Variants in LIMK2 observed in about 807,000 individuals in gnomAD.
LIMK2 encodes LIM domain kinase 2.
Under a neutral mutation model 75.7 loss-of-function variants are expected in LIMK2, and 35 were observed. The ratio of observed to expected loss-of-function variants is 0.46; its 90% CI spans 0.35 to 0.61. The LOEUF is 0.61. Ranked by LOEUF, LIMK2 falls within the 20% of genes least tolerant of loss-of-function variation. The probability of loss-of-function intolerance (pLI) is 0.00; values close to 1 mark genes in which losing one functional copy is unlikely to be tolerated. For synonymous variants in LIMK2, 301 were observed against 319.2 expected (o/e 0.94, Z 0.61); for missense variants, 623 against 831.0 (o/e 0.75, Z 3.08).
Position 31,262,255 on chromosome 22 carries a change from A to G in LIMK2, c.657+16A>G. On this transcript the variant is annotated intron_variant, in intron 6 of 15. Transcript: ENST00000331728. This position sits in a 1 kb window ranked among gnomAD's most constrained non-coding sequence, Gnocchi z 5.0. The stretch of plus-strand genomic sequence containing the variant: ...AGTGGAGGAGGTAGAGTGTGTGTCT[A>G]ATCTGTCTTGTGAGGGTGGGACATG... 6.3e-7 allele frequency: 1 copy of G among 1,576,996 alleles called. No homozygotes were observed. The highest frequency in any genetic ancestry group is 8.7e-7 in the Non-Finnish European group (1 of 1,146,172).
intron 8 of LIMK2, among the ~76,000 whole-genome samples, chr22:31,266,654 G>A (rs1417293541): frequency 6.6e-6 from 1 of 152,132 alleles, no homozygotes; most frequent in African/African-American, 2.4e-5. Context: ...CCTGCCCCCA[G>A]ACTTCTGTTC....
intron 1 of LIMK2, among the ~76,000 whole-genome samples, chr22:31,222,053 G>A (rs762412887): frequency 9.9e-5 from 15 of 152,000 alleles, no homozygotes; most frequent in Non-Finnish European, 1.9e-4. Flanking sequence ...TGAGGGCAGC[G>A]ATGTGTAGAC....
chr22:31,278,569 C>T lies in LIMK2; in HGVS notation c.*128C>T. On this transcript the variant is annotated 3_prime_UTR_variant, in exon 16 of 16. Transcript: ENST00000331728. ...CGGAATGTTTAGAAGCAGAACAAGC[C>T]ATTCCTATTACCTCCCCAGGAGGCA... 9.7e-7 allele frequency: 1 copy of T among 1,027,090 alleles called. No individual in the cohort carries two copies. The highest frequency in any genetic ancestry group is 3.0e-5 in the Admixed American group (1 of 33,380). The allele number at this position is 1,027,090 out of a possible 1,614,324, so 63.6% of individuals were successfully genotyped here. A position where few individuals can be genotyped will look rare whatever the true frequency, so the allele number is the denominator to read the frequency against.
chr22:31,258,147 A>G lies in LIMK2; in HGVS notation c.117-144A>G, dbSNP rs916178332. ...CTGAACCAGCTTCCCTTGGGGAGATAGCACAAGGCTGTAACTTTGCCCCAT... is the reference window on the plus strand; with the variant it reads ...CTGAACCAGCTTCCCTTGGGGAGATGGCACAAGGCTGTAACTTTGCCCCAT... On this transcript the variant is annotated intron_variant, in intron 2 of 15. Transcript: ENST00000331728. 5.2e-6 allele frequency: 4 copies of G among 770,720 alleles called. No individual in the cohort carries two copies. The Admixed American group carries it at 8.5e-5, about 16-fold the overall frequency. 47.7% of individuals were successfully genotyped at this position (770,720 alleles called of 1,614,324 possible). A position where few individuals can be genotyped will look rare whatever the true frequency, so the allele number is the denominator to read the frequency against.
intron 2 of LIMK2, among the ~76,000 whole-genome samples, chr22:31,239,951 C>A (rs2048610667): frequency 2.0e-5 from 3 of 152,196 alleles, no homozygotes; most frequent in African/African-American, 7.2e-5. Context: ...CTTATGTAGA[C>A]TAAGACCTCA....
intron 2 of LIMK2, among the ~76,000 whole-genome samples, chr22:31,246,175 G>GCACACACACACACA (rs1300039438): frequency 3.8e-4 from 30 of 78,136 alleles, no homozygotes; most frequent in Non-Finnish European, 6.2e-4. Context: ...TCCGACACAC[G>GCACACACACACACA]CACGCACGCA....
Position 31,244,258 on chromosome 22 carries a change from CTT to C in LIMK2, c.117-14031_117-14030del, listed in dbSNP as rs1212356606. Among the ~76,000 whole-genome samples, 28 of 152,350 alleles carry C rather than the reference CTT, an allele frequency of 1.8e-4. No homozygotes were observed. In the East Asian group the frequency reaches 5.0e-3, roughly 27 times the overall value. On this transcript the variant is annotated intron_variant, in intron 2 of 15. Transcript: ENST00000331728. The stretch of plus-strand genomic sequence containing the variant: ...CTCATAGGCTCCCTGGCCTCAGTCT[CTT>C]TGTGGCTTGCATATTCTTCCATTAG...
intron 8 of LIMK2, among the ~76,000 whole-genome samples, chr22:31,266,747 C>G (rs2048899927): frequency 6.6e-6 from 1 of 152,242 alleles, no homozygotes; most frequent in Non-Finnish European, 1.5e-5. Context: ...TTCCCCACTT[C>G]CCTTTTCTGG....
Position 31,267,006 on chromosome 22 carries a change from A to G in LIMK2, c.1064A>G (p.Lys355Arg). 1 of 1,610,140 alleles carries G rather than the reference A, an allele frequency of 6.2e-7. No homozygotes were observed. Among genetic ancestry groups the G allele is most frequent in the Non-Finnish European group, 8.5e-7 (1 of 1,177,828 alleles). The change falls in exon 9 of 16, where the codon AAA becomes AGA. Residue 355 changes from lysine to arginine, a missense_variant. Lys to Arg is a conservative substitution (Grantham distance 26, BLOSUM62 2). This residue lies in a region of LIMK2 where 514 missense variants were observed against 661.3 expected (regional missense o/e 0.78). Transcript: ENST00000331728. The part of the protein sequence containing the change: ...AIKVTHKATG[K>R]VMVMKELIRC... ...TAGGTGACACACAAAGCCACGGGCA[A>G]AGTGATGGTCATGAAAGAGTTAATT...
chr22:31,224,577 A>G (rs2283878), intron 1 of LIMK2, among the ~76,000 whole-genome samples: 13,079 of 152,278 alleles, frequency 0.086, 858 homozygotes, highest in East Asian at 0.4. Context: ...TCACAGGATT[A>G]TTTTGAGAAT....
At chr22:31,269,276 ATTTTTTTTTC>A (rs1358976799) in intron 11 of LIMK2, among the ~76,000 whole-genome samples, 2 of 103,660 alleles carry the variant, frequency 1.9e-5, no homozygotes, top group Non-Finnish European at 2.0e-5. Flanking sequence ...AATTTTTTGA[ATTTTTTTTTC>A]TTTTTTTTTT....
chr22:31,239,380 G>C (rs1487719272), intron 2 of LIMK2, among the ~76,000 whole-genome samples: 1 of 152,224 alleles, frequency 6.6e-6, no homozygotes, highest in Non-Finnish European at 1.5e-5. Context: ...CTGGCCTCCT[G>C]TCTAATTGCT....
At chr22:31,270,051 G>A (rs1185929332) in intron 11 of LIMK2, among the ~76,000 whole-genome samples, 1 of 152,160 alleles carries the variant, frequency 6.6e-6, no homozygotes. Context: ...TGATTGTTGA[G>A]CAACTGGTTT....
rs753998840 is a variant in LIMK2, at chr22:31,259,970, C to G, written c.444C>G (p.Tyr148Ter). 4 of 1,611,672 alleles carry G rather than the reference C, an allele frequency of 2.5e-6. No homozygotes were observed. Among genetic ancestry groups the G allele is most frequent in the South Asian group, 2.2e-5 (2 of 90,864 alleles). The part of the protein sequence containing the change: ...STESVQEQLP[Y>*]SVTLISMPAT... ...AGTCTGTTCAGGAGCAGCTGCCCTACTCTGTCACGCTCATCTCCATGCCGG... is the reference window on the plus strand; with the variant it reads ...AGTCTGTTCAGGAGCAGCTGCCCTAGTCTGTCACGCTCATCTCCATGCCGG... Residue 148 changes from tyrosine to a stop codon, truncating the protein, a stop_gained, in exon 5 of 16, where the codon TAC becomes TAG. Transcript: ENST00000331728. LOFTEE classifies it high-confidence loss of function.
rs147100770 is a variant in LIMK2 at position 31,214,172 on chromosome 22, C to G, written c.16+1748C>G. 5.9e-3 allele frequency among the ~76,000 whole-genome samples: 904 copies of G among 152,252 alleles called. 5 individuals are homozygous for G. The highest frequency in any genetic ancestry group is 8.9e-3 in the Non-Finnish European group (608 of 68,012). On this transcript the variant is annotated intron_variant, in intron 1 of 15. Coordinates refer to ENST00000331728, the MANE Select transcript of LIMK2 (RefSeq NM_005569.4). ...TAATATAGGTTGCCTGTCTTGAACC[C>G]TGTTTCTTAGAAAATTGTGAAAGGT... is the stretch of plus-strand genomic sequence containing the variant.
chr22:31,257,040 A>ATTTTTTTTTTTTTTTTTTTTTTT (rs529919320), intron 2 of LIMK2, among the ~76,000 whole-genome samples: 4 of 75,076 alleles, frequency 5.3e-5, no homozygotes, highest in Non-Finnish European at 1.2e-4. Context: ...GGAGCTATAG[A>ATTTTTTTTTTTTTTTTTTTTTTT]TTTTTTTTTT....
chr22:31,229,912 A>G (rs1416973282), intron 2 of LIMK2, among the ~76,000 whole-genome samples: 9 of 152,218 alleles, frequency 5.9e-5, no homozygotes, highest in Non-Finnish European at 1.5e-5. Flanking sequence ...TAGCTCTGTC[A>G]GTAATTGTGC....
At chr22:31,247,568 G>T (rs1034026868) in intron 2 of LIMK2, among the ~76,000 whole-genome samples, 1 of 152,156 alleles carries the variant, frequency 6.6e-6, no homozygotes, top group South Asian at 2.1e-4. Flanking sequence ...CTTTGGAAAA[G>T]ATTTTTCTCC....
intron 2 of LIMK2, among the ~76,000 whole-genome samples, chr22:31,226,395 GT>G (rs2048478461): frequency 7.8e-6 from 1 of 128,124 alleles, no homozygotes; most frequent in African/African-American, 3.1e-5. Context: ...GGAGACGGGG[GT>G]TTCAACATGT....
Sources: allele counts gnomAD v4.1 joint callset (sites outside exome capture counted in the v4.1 genomes callset), GRCh38; gene constraint gnomAD v4.1.1; regional missense constraint gnomAD v4.1.1; non-coding constraint Gnocchi (gnomAD v3.1); transcripts MANE v1.5; gene names NCBI Gene and HGNC (gene_info 2026-07-23, HGNC 2026-07-21).